LCORL: variants seen among roughly 807,000 people sequenced by gnomAD.
LCORL encodes ligand dependent nuclear receptor corepressor like.
In LCORL, 41 loss-of-function variants were observed where a neutral mutation model predicts 141.8. That is an observed-to-expected ratio of 0.29 (90% CI 0.23 to 0.38). LCORL has a LOEUF of 0.38. Ranked by LOEUF, LCORL falls within the 10% of genes least tolerant of loss-of-function variation. The pLI, the probability that LCORL is intolerant of heterozygous loss-of-function variation, is 1.00. For missense variants in LCORL, 1,759 were observed against 2,035.0 expected, an observed-to-expected ratio of 0.86 and a Z score of 2.61; for synonymous variants, 618 against 694.1, an observed-to-expected ratio of 0.89 and a Z score of 1.72.
intron 1 of LCORL, among the ~76,000 whole-genome samples, chr4:17,976,293 T>A (rs932375952): frequency 6.6e-6 from 1 of 152,188 alleles, no homozygotes; most frequent in Non-Finnish European, 1.5e-5. Flanking sequence ...ATATCTACCA[T>A]CTAATTTGCT....
In LCORL at chr4:17,877,629, A is replaced by C. The variant is rs1489217845; in HGVS notation, c.1361T>G (p.Leu454Trp). Residue 454 changes from leucine (L) to tryptophan (W), a missense_variant, in exon 7 of 8, where the codon TTG becomes TGG. Around this residue, in one of 5 missense-constraint regions of LCORL, gnomAD observed 1,311 missense variants for 1,531.3 expected, o/e 0.86. Coordinates refer to ENST00000635767, the Ensembl canonical transcript of LCORL. ...TGAAATCTCTGAGATGACGTCTTTCAATTTTTCAAATCCTTCAGTTTCTAT... is the reference window on the plus strand; with the variant it reads ...TGAAATCTCTGAGATGACGTCTTTCCATTTTTCAAATCCTTCAGTTTCTAT... 4.1e-6 allele frequency: 5 copies of C among 1,230,552 alleles called. No homozygotes were observed. The African/African-American group carries it at 7.8e-5, about 19-fold the overall frequency. The allele number at this position is 1,230,552 out of a possible 1,614,324, so 76.2% of individuals were successfully genotyped here.
intron 1 of LCORL, among the ~76,000 whole-genome samples, chr4:17,996,121 A>C (rs1370090892): frequency 6.6e-6 from 1 of 152,142 alleles, no homozygotes; most frequent in Non-Finnish European, 1.5e-5. Flanking sequence ...AAATGTGTGA[A>C]CCAGATTTAC....
exon 8 of LCORL, chr4:17,843,116 C>A: frequency 1.9e-6 from 1 of 514,458 alleles, no homozygotes; most frequent in Non-Finnish European, 3.4e-6. Context: ...TTCCCTGATT[C>A]ACTTTGCTAG....
intron 7 of LCORL, among the ~76,000 whole-genome samples, chr4:17,852,278 CTT>C (rs147676586): frequency 0.12 from 17,538 of 151,964 alleles, 1,124 homozygotes; most frequent in South Asian, 0.24. Context: ...CAGTGGTACT[CTT>C]GAGAGTAGAG....
At chr4:17,872,383 T>C (rs1201234814) in intron 7 of LCORL, among the ~76,000 whole-genome samples, 1 of 152,094 alleles carries the variant, frequency 6.6e-6, no homozygotes, top group Non-Finnish European at 1.5e-5. Context: ...ACACATAAAA[T>C]ACACTAACAC....
chr4:17,987,560 A>G (rs1222421378), intron 1 of LCORL, among the ~76,000 whole-genome samples: 2 of 152,254 alleles, frequency 1.3e-5, no homozygotes, highest in African/African-American at 4.8e-5. Context: ...GTAAGACTAT[A>G]GGAATATAAT....
chr4:17,857,733 A>G (rs914806350), intron 7 of LCORL, among the ~76,000 whole-genome samples: 7 of 152,272 alleles, frequency 4.6e-5, no homozygotes, highest in African/African-American at 1.7e-4. Flanking sequence ...GTAAGAGCAC[A>G]AAATGTCTCT....
Position 17,886,055 on chromosome 4 carries a change from A to T in LCORL, c.776+13T>A. 7.4e-7 allele frequency: 1 copy of T among 1,352,572 alleles called. No individual in the cohort carries two copies. Among genetic ancestry groups the T allele is most frequent in the African/African-American group, 1.5e-5 (1 of 68,810 alleles). 83.8% of individuals were successfully genotyped at this position (1,352,572 alleles called of 1,614,324 possible). The stretch of plus-strand genomic sequence containing the variant: ...ATATTAATATTAAATTATATTTCCT[A>T]GATATTGCTTACCCAGCCACTGAAT... On this transcript the variant is annotated intron_variant, in intron 6 of 7. Transcript: ENST00000635767.
chr4:17,997,707 C>A (rs1413382190), intron 1 of LCORL, among the ~76,000 whole-genome samples: 1 of 151,810 alleles, frequency 6.6e-6, no homozygotes, highest in East Asian at 1.9e-4. Context: ...CTGAGATCAG[C>A]AAGAATAAAG....
intron 1 of LCORL, among the ~76,000 whole-genome samples, chr4:17,998,964 CAAAAAAAA>C (rs775544332): frequency 1.4e-3 from 62 of 44,822 alleles, no homozygotes; most frequent in Middle Eastern, 0.019. Flanking sequence ...GACCCTGTCT[CAAAAAAAA>C]AAAAAAAAAA....
intron 4 of LCORL, among the ~76,000 whole-genome samples, chr4:17,951,501 T>A (rs1010003063): frequency 7.9e-5 from 12 of 152,210 alleles, no homozygotes; most frequent in African/African-American, 2.9e-4. Flanking sequence ...CTAAGATCTC[T>A]ATGGTTTGCT....
chr4:17,967,651 A>G (rs1047547686), intron 2 of LCORL, among the ~76,000 whole-genome samples: 1 of 152,148 alleles, frequency 6.6e-6, no homozygotes, highest in Non-Finnish European at 1.5e-5. Flanking sequence ...TAGTCCATCA[A>G]AAAGATGCAC....
chr4:17,850,183 A>G (rs1723465331), intron 7 of LCORL, among the ~76,000 whole-genome samples: 1 of 143,030 alleles, frequency 7.0e-6, no homozygotes, highest in African/African-American at 2.6e-5. Flanking sequence ...AAACCCTAGA[A>G]GAAAACCTAG....
At chr4:17,910,727 C>G (rs751576064) in intron 4 of LCORL, among the ~76,000 whole-genome samples, 6 of 152,166 alleles carry the variant, frequency 3.9e-5, no homozygotes, top group Non-Finnish European at 8.8e-5. Flanking sequence ...CATTTGGTAG[C>G]AAAACATGAC....
chr4:17,968,138 G>A lies in LCORL; in HGVS notation c.220+4682C>T, dbSNP rs1715272344. On this transcript the variant is annotated intron_variant, in intron 2 of 7. Coordinates refer to ENST00000635767, the Ensembl canonical transcript of LCORL. ...CTCCCAAAATGCTGAGATTATAGGT[G>A]TGAGGCACTGCACCCGGCCATTTGC... Among the ~76,000 whole-genome samples, 2 of 151,946 alleles carry A rather than the reference G, an allele frequency of 1.3e-5. 1 individual carries two copies. Among genetic ancestry groups the A allele is most frequent in the South Asian group, 4.2e-4 (2 of 4,812 alleles).
chr4:17,841,323 T>C (rs1722380850), exon 8 of LCORL: 1 of 152,032 alleles, frequency 6.6e-6, no homozygotes, highest in Non-Finnish European at 1.5e-5. Flanking sequence ...GAGCCAACCA[T>C]GATTTTGATT....
intron 4 of LCORL, among the ~76,000 whole-genome samples, chr4:17,940,376 T>A (rs1317974965): frequency 6.8e-6 from 1 of 146,800 alleles, no homozygotes; most frequent in East Asian, 2.0e-4. Flanking sequence ...CTGAATCATG[T>A]TTTTAAATGC....
chr4:17,925,076 C>T (rs901003698), intron 4 of LCORL, among the ~76,000 whole-genome samples: 5 of 152,066 alleles, frequency 3.3e-5, no homozygotes, highest in Non-Finnish European at 7.4e-5. Flanking sequence ...GATGTTAGTT[C>T]CAGAGGGAGG....
At chr4:18,001,817 C>T (rs1722012069) in intron 1 of LCORL, among the ~76,000 whole-genome samples, 1 of 152,148 alleles carries the variant, frequency 6.6e-6, no homozygotes, top group Non-Finnish European at 1.5e-5. Flanking sequence ...TAATTCTACA[C>T]AAATGGTAAC....
Sources: gnomAD v4.1 joint callset for allele counts (sites outside exome capture counted in the v4.1 genomes callset) on GRCh38, gnomAD v4.1.1 for gene constraint, gnomAD v4.1.1 regional missense constraint, MANE v1.5 for transcripts, NCBI Gene and HGNC (gene_info 2026-07-23, HGNC 2026-07-21) for gene names.